Variants in XPO4 observed in about 807,000 individuals in gnomAD.
The protein encoded by XPO4 is exportin 4.
XPO4 carries 39 observed loss-of-function variants against 143.0 expected under a neutral mutation model. The observed-to-expected ratio is 0.27, with a 90% confidence interval of 0.21 to 0.36. The LOEUF (loss-of-function observed/expected upper bound fraction) is 0.36, where lower values mean the gene tolerates loss of function less well. Ranked by LOEUF, XPO4 falls within the 10% of genes least tolerant of loss-of-function variation. The pLI is 1.00. For missense variants in XPO4, 907 were observed against 1,348.0 expected (o/e 0.67, Z 5.12); for synonymous variants, 439 against 474.0 (o/e 0.93, Z 0.96).
intron 1 of XPO4, among the ~76,000 whole-genome samples, chr13:20,893,815 G>A (rs922051828): frequency 4.6e-5 from 7 of 151,496 alleles, no homozygotes; most frequent in South Asian, 4.2e-4. Flanking sequence ...TAGAACCTCC[G>A]TAGGTAAGGC....
intron 12 of XPO4, among the ~76,000 whole-genome samples, 153 bp downstream of exon 12, chr13:20,808,283 A>G (rs1484786822): frequency 2.0e-5 from 3 of 152,218 alleles, no homozygotes; most frequent in Non-Finnish European, 4.4e-5. Flanking sequence ...AGTATTTTTT[A>G]AAAATGCATC....
rs186955799 is a variant in XPO4 at position 20,796,349 on chromosome 13, C to T, written c.2617-93G>A. 4.0e-5 allele frequency: 35 copies of T among 865,762 alleles called. No individual in the cohort carries two copies. The East Asian group carries it at 5.6e-4, about 14-fold the overall frequency. 53.6% of individuals were successfully genotyped at this position (865,762 alleles called of 1,614,324 possible). A position where few individuals can be genotyped will look rare whatever the true frequency, so the allele number is the denominator to read the frequency against. On this transcript the variant is annotated intron_variant, in intron 17 of 22. Coordinates refer to ENST00000255305, the MANE Select transcript of XPO4 (RefSeq NM_022459.5). ...AATCTATATAAATTAACTCCGAATT[C>T]CAACAGTAGCAATAATTCTTGCTTT...
rs1471082610 is a variant in XPO4, at chr13:20,781,431, C to CTGGTCTTA, written c.*2290_*2291insTAAGACCA. ...AGTGGCTTCTCCCCACCCCAGTGAG[C>CTGGTCTTA]TAATATTCAACATTCTGCTGATCTT... On this transcript the variant is annotated 3_prime_UTR_variant, in exon 23 of 23. Transcript: ENST00000255305. 1 of 152,608 alleles carries CTGGTCTTA rather than the reference C, an allele frequency of 6.6e-6. No homozygotes were observed. The highest frequency in any genetic ancestry group is 2.4e-5 in the African/African-American group (1 of 41,432). 9.5% of individuals were successfully genotyped at this position (152,608 alleles called of 1,614,324 possible).
At chr13:20,884,478 C>T (rs1216709326) in intron 1 of XPO4, among the ~76,000 whole-genome samples, 5 of 152,162 alleles carry the variant, frequency 3.3e-5, no homozygotes, top group Non-Finnish European at 5.9e-5. Flanking sequence ...AGTACAATCT[C>T]GGCTCACTGC....
At chr13:20,824,428 C>T (rs1450164967) in intron 7 of XPO4, among the ~76,000 whole-genome samples, 5 of 151,842 alleles carry the variant, frequency 3.3e-5, no homozygotes, top group South Asian at 4.2e-4. Flanking sequence ...GGTCTCGAAG[C>T]GAGCAATCAG....
At chr13:20,799,390 C>A in intron 15 of XPO4, 51 bp from the exon 16 acceptor site, 1 of 1,426,330 alleles carries the variant, frequency 7.0e-7, no homozygotes, top group Non-Finnish European at 9.6e-7. Flanking sequence ...TATATACATA[C>A]ACACATACAC....
chr13:20,833,486 T>C (rs1467580059), intron 6 of XPO4, among the ~76,000 whole-genome samples: 3 of 152,224 alleles, frequency 2.0e-5, no homozygotes, highest in Admixed American at 6.5e-5. Flanking sequence ...AGATTAATTA[T>C]AATACCCAAT....
In XPO4 at chr13:20,822,240, T is replaced by C; in HGVS notation, c.890A>G (p.Gln297Arg). Residue 297 changes from glutamine (Q) to arginine (R), a missense_variant, in exon 8 of 23, where the codon CAG (glutamine) becomes CGG (arginine). Physicochemically the swap from Gln to Arg is conservative, Grantham distance 43. Coordinates refer to ENST00000255305, the MANE Select transcript of XPO4 (RefSeq NM_022459.5). ...EDSDMAQDSLQCLAQLASLHG... is the reference protein window; with the variant it reads ...EDSDMAQDSLRCLAQLASLHG... ...AAGAGAAGCTAACTGGGCAAGGCAC[T>C]GCAGAGAATCTTGTGCCATATCTGA... 1.2e-6 allele frequency: 2 copies of C among 1,613,948 alleles called. No individual in the cohort carries two copies. The highest frequency in any genetic ancestry group is 1.7e-6 in the Non-Finnish European group (2 of 1,179,892).
At chr13:20,792,240 G>T (rs2059292220) in intron 18 of XPO4, among the ~76,000 whole-genome samples, 3 of 152,294 alleles carry the variant, frequency 2.0e-5, no homozygotes, top group Non-Finnish European at 2.9e-5. Flanking sequence ...GAGGCCAGGA[G>T]TTCGAGACCA....
At chr13:20,815,559 A>T (rs891733173) in intron 9 of XPO4, among the ~76,000 whole-genome samples, 2 of 152,122 alleles carry the variant, frequency 1.3e-5, no homozygotes, top group South Asian at 4.1e-4. Flanking sequence ...TAAGGTAGTT[A>T]GTTTGTTTTC....
At chr13:20,850,771 A>T (rs1359282487) in intron 4 of XPO4, 1 of 984,124 alleles carries the variant, frequency 1.0e-6, no homozygotes, top group African/African-American at 1.7e-5. Context: ...TTTCTAAAAC[A>T]ACAAAACAAA....
rs1036052893 is a variant in XPO4 at position 20,866,104 on chromosome 13, A to C, written c.175+2492T>G. The C allele has an allele frequency of 3.0e-6, 3 of 985,240 alleles. No individual in the cohort carries two copies. The Admixed American group carries it at 1.8e-4, about 61-fold the overall frequency. The allele number at this position is 985,240 out of a possible 1,614,324, so 61.0% of individuals were successfully genotyped here. A position where few individuals can be genotyped will look rare whatever the true frequency, so the allele number is the denominator to read the frequency against. On this transcript the variant is annotated intron_variant, in intron 2 of 22. Transcript: ENST00000255305. ...TGATTATTTCTTTAACAAGAACAGA[A>C]CTCACTTGTTTTTTTAAAGGAACAT...
chr13:20,848,340 T>C, intron 4 of XPO4: 3 of 985,450 alleles, frequency 3.0e-6, no homozygotes, highest in Non-Finnish European at 3.6e-6. Flanking sequence ...CAGTCCAAGA[T>C]TTCCTTCTTC....
At chr13:20,874,478 T>C (rs775676480) in intron 1 of XPO4, among the ~76,000 whole-genome samples, 10 of 152,200 alleles carry the variant, frequency 6.6e-5, no homozygotes, top group Non-Finnish European at 1.5e-4. Context: ...ATTAGGTGAT[T>C]AGGTCATGAG....
In XPO4 at chr13:20,800,318, A is replaced by C; in HGVS notation, c.1985T>G (p.Leu662Arg). The C allele has an allele frequency of 6.2e-7, 1 of 1,611,850 alleles. No homozygotes were observed. Among genetic ancestry groups the C allele is most frequent in the Non-Finnish European group, 8.5e-7 (1 of 1,178,896 alleles). Residue 662 changes from leucine to arginine, a missense_variant, in exon 15 of 23, where the codon CTG (leucine) becomes CGG (arginine). By Grantham distance (102) the Leu-to-Arg change is moderately radical (BLOSUM62 -2). Coordinates refer to ENST00000255305, the MANE Select transcript of XPO4 (RefSeq NM_022459.5). Reference protein sequence around the residue: ...VDEKLYDQISLPFSTAFGADT... With the variant: ...VDEKLYDQISRPFSTAFGADT... ...TGCTCCGAACGCTGTACTGAATGGC[A>C]GACTTATCTTAAGAGAGGAAACAAA...
intron 13 of XPO4, among the ~76,000 whole-genome samples, chr13:20,801,358 A>G (rs2059430555): frequency 6.6e-6 from 1 of 152,264 alleles, no homozygotes; most frequent in Non-Finnish European, 1.5e-5. Flanking sequence ...TTTAGCATGT[A>G]CTACTTAGCA....
chr13:20,785,528 G>A (rs2059189320), intron 22 of XPO4, among the ~76,000 whole-genome samples: 1 of 152,012 alleles, frequency 6.6e-6, no homozygotes, highest in Non-Finnish European at 1.5e-5. Context: ...AGCCAGGTGT[G>A]GTGGTGCACA....
intron 9 of XPO4, among the ~76,000 whole-genome samples, chr13:20,819,233 C>A (rs1239854269): frequency 1.3e-5 from 2 of 152,230 alleles, no homozygotes; most frequent in African/African-American, 4.8e-5. Flanking sequence ...AAGCAGCTTG[C>A]TTGAACTCTT....
intron 14 of XPO4, among the ~76,000 whole-genome samples, chr13:20,800,574 C>A (rs183409076): frequency 6.6e-6 from 1 of 152,168 alleles, no homozygotes. Flanking sequence ...TAGTATTAAA[C>A]CAAATACAAA....
Sources: gnomAD v4.1 joint callset for allele counts (sites outside exome capture counted in the v4.1 genomes callset) on GRCh38, gnomAD v4.1.1 for gene constraint, MANE v1.5 for transcripts, NCBI Gene and HGNC (gene_info 2026-07-23, HGNC 2026-07-21) for gene names.